The following PHC3 variants were observed in gnomAD, a reference collection of about 807,000 sequenced individuals.
PHC3 encodes the protein polyhomeotic homolog 3.
PHC3 carries 13 observed loss-of-function variants against 107.4 expected under a neutral mutation model. The observed-to-expected ratio is 0.12, with a 90% CI of 0.08 to 0.19. PHC3 has a LOEUF of 0.19. Ranked by LOEUF, PHC3 falls within the 10% of genes least tolerant of loss-of-function variation. The pLI is 1.00. For synonymous variants in PHC3, 456 were observed against 427.4 expected (o/e 1.07, Z -0.83); for missense variants, 992 against 1,210.9 (o/e 0.82, Z 2.68).
At chr3:170,140,595 T>C (rs1723909609) in intron 6 of PHC3, among the ~76,000 whole-genome samples, 1 of 128,676 alleles carries the variant, frequency 7.8e-6, no homozygotes, top group Non-Finnish European at 1.7e-5. Flanking sequence ...TTTTTTTTTT[T>C]TTTTTTTTTT....
rs1477362742 is a variant in PHC3, at chr3:170,090,068, T to C, written c.*7162A>G. ...GGAATAGAGTCAAGTGTCAAAATAA[T>C]GTTGTGAAATACGGGCTGTCTCAAC... On this transcript the variant is annotated 3_prime_UTR_variant, in exon 15 of 15. Transcript: ENST00000495893. 1.3e-5 allele frequency: 2 copies of C among 152,008 alleles called. No individual in the cohort carries two copies. Among genetic ancestry groups the C allele is most frequent in the Non-Finnish European group, 2.9e-5 (2 of 68,016 alleles). 9.4% of individuals were successfully genotyped at this position (152,008 alleles called of 1,614,324 possible).
rs56986650 is a variant in PHC3 at position 170,163,461 on chromosome 3, A to AGTGTGTGT, written c.414+7904_414+7911dup. ...GAAAATTCCCAAATATTTAGTAAAG[A>AGTGTGTGT]GTGTGTGTGTGTGTGTGTGTGTGTG... On this transcript the variant is annotated intron_variant, in intron 4 of 14. Coordinates refer to ENST00000495893, the MANE Select transcript of PHC3 (RefSeq NM_024947.4). Among the ~76,000 whole-genome samples, 371 of 146,310 alleles carry AGTGTGTGT rather than the reference A, an allele frequency of 2.5e-3. 1 individual carries two copies. Among genetic ancestry groups the AGTGTGTGT allele is most frequent in the African/African-American group, 6.8e-3 (266 of 39,372 alleles).
In PHC3 at chr3:170,181,697, C is replaced by T. The variant is rs540075871; in HGVS notation, c.14+5G>A. Reference sequence around the variant, plus strand: ...TACGACATCAGTCACCATCTAGTCACTCACTCCGCTTCCGCCATCTTCTCT... The same window carrying T: ...TACGACATCAGTCACCATCTAGTCATTCACTCCGCTTCCGCCATCTTCTCT... On this transcript the variant is annotated splice_donor_5th_base_variant and intron_variant, in intron 1 of 14. Transcript: ENST00000495893. 8.1e-6 allele frequency: 13 copies of T among 1,613,376 alleles called. No homozygotes were observed. Among genetic ancestry groups the T allele is most frequent in the South Asian group, 2.2e-5 (2 of 91,082 alleles).
At chr3:170,102,032 T>C in intron 14 of PHC3, 3 of 630,142 alleles carry the variant, frequency 4.8e-6, no homozygotes, top group Non-Finnish European at 5.9e-6. Context: ...TTAAAAGGTT[T>C]TGATTAGCTT....
chr3:170,144,764 G>A (rs566448385), intron 6 of PHC3, among the ~76,000 whole-genome samples: 1 of 152,288 alleles, frequency 6.6e-6, no homozygotes, highest in East Asian at 1.9e-4. Context: ...GGAAAGCAAT[G>A]GCACTATCCT....
chr3:170,130,063 A>G (rs1442231202), intron 7 of PHC3, among the ~76,000 whole-genome samples: 1 of 152,226 alleles, frequency 6.6e-6, no homozygotes, highest in African/African-American at 2.4e-5. Context: ...CTGTACTGTG[A>G]TAAGTTCTAA....
intron 4 of PHC3, among the ~76,000 whole-genome samples, chr3:170,150,327 T>C (rs1303087171): frequency 1.3e-5 from 2 of 152,036 alleles, no homozygotes; most frequent in Non-Finnish European, 2.9e-5. Flanking sequence ...CTCAAACAGA[T>C]GGAAAAATCC....
chr3:170,125,560 T>C (rs1034344874), intron 8 of PHC3, among the ~76,000 whole-genome samples: 12 of 152,300 alleles, frequency 7.9e-5, no homozygotes, highest in South Asian at 4.1e-4. Context: ...GAGTATCTTT[T>C]AAGAAATCAA....
chr3:170,130,058 CTGTGA>C (rs1208570449), intron 7 of PHC3, among the ~76,000 whole-genome samples: 2 of 152,180 alleles, frequency 1.3e-5, no homozygotes, highest in Non-Finnish European at 2.9e-5. Context: ...ATACACTGTA[CTGTGA>C]TAAGTTCTAA....
intron 9 of PHC3, among the ~76,000 whole-genome samples, chr3:170,121,102 T>G (rs1278872438): frequency 6.6e-6 from 1 of 152,200 alleles, no homozygotes; most frequent in East Asian, 1.9e-4. Context: ...TTATATATAT[T>G]TTCATGACAT....
rs569937625 is a variant in PHC3, at chr3:170,094,287, A to C, written c.*2943T>G. ...ATGTCATATAAAAAATAATTTTTAC[A>C]AATCAGCTCTCTTAGTTGTTTAACT... On this transcript the variant is annotated 3_prime_UTR_variant, in exon 15 of 15. Coordinates refer to ENST00000495893, the MANE Select transcript of PHC3 (RefSeq NM_024947.4). The C allele has an allele frequency of 1.3e-5, 2 of 152,366 alleles. No individual in the cohort carries two copies. The highest frequency in any genetic ancestry group is 3.9e-4 in the East Asian group (2 of 5,192). The allele number at this position is 152,366 out of a possible 1,614,324, so 9.4% of individuals were successfully genotyped here. A position where few individuals can be genotyped will look rare whatever the true frequency, so the allele number is the denominator to read the frequency against.
At chr3:170,136,789 G>T in intron 6 of PHC3, 124 bp from the exon 7 acceptor site, 1 of 998,366 alleles carries the variant, frequency 1.0e-6, no homozygotes, top group Non-Finnish European at 1.4e-6. Context: ...AAAGCTCCAA[G>T]CACTTGAAAG....
chr3:170,180,074 T>C (rs536085964), intron 1 of PHC3, among the ~76,000 whole-genome samples: 1 of 152,068 alleles, frequency 6.6e-6, no homozygotes, highest in East Asian at 1.9e-4. Context: ...TAAGTACAAA[T>C]TTTCTTTGTT....
chr3:170,174,459 A>C (rs902392675), intron 2 of PHC3, among the ~76,000 whole-genome samples: 1 of 152,196 alleles, frequency 6.6e-6, no homozygotes, highest in South Asian at 2.1e-4. Context: ...AAATTCTTAC[A>C]TTTCTCCAAA....
rs975971512 is a variant in PHC3 at position 170,166,540 on chromosome 3, T to C, written c.414+4833A>G. 3.3e-5 allele frequency among the ~76,000 whole-genome samples: 5 copies of C among 152,304 alleles called. 1 individual carries two copies. The highest frequency in any genetic ancestry group is 3.3e-4 in the Admixed American group (5 of 15,298). On this transcript the variant is annotated intron_variant, in intron 4 of 14. Coordinates refer to ENST00000495893, the MANE Select transcript of PHC3 (RefSeq NM_024947.4). Reference sequence around the variant, plus strand: ...TATCATTTTTTTAACTAATCCTCAATTAATGGGCATTTATATTATTTATAA... The same window carrying C: ...TATCATTTTTTTAACTAATCCTCAACTAATGGGCATTTATATTATTTATAA...
chr3:170,099,329 T>G (rs1244686978), intron 14 of PHC3, among the ~76,000 whole-genome samples: 1 of 152,114 alleles, frequency 6.6e-6, no homozygotes, highest in East Asian at 1.9e-4. Flanking sequence ...AGATCACAAC[T>G]TTCTTAAGCT....
At chr3:170,105,120 T>C (rs1234899535) in intron 12 of PHC3, among the ~76,000 whole-genome samples, 2 of 152,210 alleles carry the variant, frequency 1.3e-5, no homozygotes, top group African/African-American at 2.4e-5. Flanking sequence ...GAGAGAAGAC[T>C]GATGGCAGCA....
intron 2 of PHC3, among the ~76,000 whole-genome samples, chr3:170,173,295 A>T (rs1321304231): frequency 2.6e-5 from 4 of 152,166 alleles, no homozygotes; most frequent in Admixed American, 2.0e-4. Flanking sequence ...GTAGTCAAAA[A>T]CTTACAAATT....
At chr3:170,099,029 T>C (rs1715031750) in intron 14 of PHC3, among the ~76,000 whole-genome samples, 1 of 152,248 alleles carries the variant, frequency 6.6e-6, no homozygotes, top group Admixed American at 6.5e-5. Context: ...CTCTCTTCAG[T>C]CTTACTTACA....
Sources: gnomAD v4.1 joint callset for allele counts (sites outside exome capture counted in the v4.1 genomes callset) on GRCh38, gnomAD v4.1.1 for gene constraint, MANE v1.5 for transcripts, NCBI Gene and HGNC (gene_info 2026-07-23, HGNC 2026-07-21) for gene names.